GAS7: variants seen among roughly 807,000 people sequenced by gnomAD.
GAS7 encodes growth arrest specific 7.
In GAS7, 28 loss-of-function variants were observed where a neutral mutation model predicts 71.1. The observed-to-expected ratio is 0.39, with a 90% confidence interval of 0.29 to 0.54. The LOEUF (loss-of-function observed/expected upper bound fraction) is 0.54, where lower values mean the gene tolerates loss of function less well. Ranked by LOEUF, GAS7 falls within the 20% of genes least tolerant of loss-of-function variation. The pLI is 0.62. For missense variants in GAS7, 436 were observed against 627.8 expected (o/e 0.69, Z 3.27); for synonymous variants, 258 against 245.8 (o/e 1.05, Z -0.46).
intron 1 of GAS7, among the ~76,000 whole-genome samples, chr17:10,020,947 C>A (rs1321759432): frequency 2.0e-5 from 3 of 151,964 alleles, no homozygotes; most frequent in African/African-American, 4.8e-5. Flanking sequence ...AACAAACAAA[C>A]AAAAAACAGC....
intron 1 of GAS7, among the ~76,000 whole-genome samples, chr17:10,138,662 G>A (rs2074058452): frequency 6.6e-6 from 1 of 152,010 alleles, no homozygotes; most frequent in African/African-American, 2.4e-5. Flanking sequence ...AGCTACTCAG[G>A]AGGCTGAGGC....
At chr17:10,005,318 C>T (rs913130923) in intron 2 of GAS7, among the ~76,000 whole-genome samples, 10 of 150,352 alleles carry the variant, frequency 6.7e-5, no homozygotes, top group South Asian at 2.1e-4. Flanking sequence ...TATACACACA[C>T]ATATATATAT....
chr17:10,127,720 G>A (rs943869188), intron 1 of GAS7, among the ~76,000 whole-genome samples: 1 of 152,168 alleles, frequency 6.6e-6, no homozygotes, highest in African/African-American at 2.4e-5. Flanking sequence ...GGTGTGAACC[G>A]ACCCCAGTCT....
intron 2 of GAS7, among the ~76,000 whole-genome samples, chr17:9,994,381 T>G (rs1207794261): frequency 2.1e-5 from 3 of 143,266 alleles, no homozygotes; most frequent in Non-Finnish European, 4.6e-5. Flanking sequence ...ACGCCGCATA[T>G]CTACAACTAC....
At chr17:10,154,310 G>A (rs563449269) in intron 1 of GAS7, among the ~76,000 whole-genome samples, 1 of 152,218 alleles carries the variant, frequency 6.6e-6, no homozygotes, top group Admixed American at 6.6e-5. Context: ...ACCAGCCTGG[G>A]CAACATAGAG....
chr17:10,048,922 C>CG (rs1190468526), intron 1 of GAS7, among the ~76,000 whole-genome samples: 13 of 152,108 alleles, frequency 8.5e-5, no homozygotes, highest in East Asian at 1.9e-4. Context: ...CAGCTCATTG[C>CG]GGGGGGGAAG....
intron 2 of GAS7, among the ~76,000 whole-genome samples, chr17:10,005,313 A>C (rs957423140): frequency 2.0e-4 from 30 of 148,514 alleles, no homozygotes; most frequent in African/African-American, 7.5e-4. Flanking sequence ...ACATATATAC[A>C]CACACATATA....
intron 5 of GAS7, among the ~76,000 whole-genome samples, chr17:9,958,104 C>T (rs1397619091): frequency 6.6e-6 from 1 of 152,110 alleles, no homozygotes; most frequent in Non-Finnish European, 1.5e-5. Flanking sequence ...CACCCACTAC[C>T]CCCCATTTCC....
chr17:10,141,413 A>G (rs1261345016), intron 1 of GAS7, among the ~76,000 whole-genome samples: 2 of 151,388 alleles, frequency 1.3e-5, no homozygotes, highest in East Asian at 1.9e-4. Flanking sequence ...GCACCGGTGC[A>G]CTCCAGCCTG....
rs748193623 is a variant in GAS7 at position 10,096,215 on chromosome 17, C to CAT, written c.184-76320_184-76319dup. On this transcript the variant is annotated intron_variant, in intron 1 of 13. Coordinates refer to ENST00000432992, the MANE Select transcript of GAS7 (RefSeq NM_201433.2). The stretch of plus-strand genomic sequence containing the variant: ...TGTTTGCCCCAACCAGTCTCTGCCA[C>CAT]ATATATATATATTTTCTATGTTATA... Among the ~76,000 whole-genome samples the CAT allele has an allele frequency of 3.2e-4, 48 of 152,160 alleles. No individual in the cohort carries two copies. The East Asian group carries it at 4.0e-3, about 13-fold the overall frequency.
At chr17:10,080,033 C>A (rs1045220210) in intron 1 of GAS7, among the ~76,000 whole-genome samples, 2 of 152,110 alleles carry the variant, frequency 1.3e-5, no homozygotes, top group Non-Finnish European at 2.9e-5. Flanking sequence ...ACCTACTGGG[C>A]TGCACTCCTA....
intron 1 of GAS7, among the ~76,000 whole-genome samples, chr17:10,123,581 A>C (rs2073921569): frequency 6.6e-6 from 1 of 152,110 alleles, no homozygotes; most frequent in Admixed American, 6.5e-5. Context: ...TCTGATCATC[A>C]CTCAAACAAT....
Position 9,919,470 on chromosome 17 carries a change from G to A in GAS7, c.1218+156C>T, listed in dbSNP as rs2067714345. Among the ~76,000 whole-genome samples, 1 of 152,086 alleles carries A rather than the reference G, an allele frequency of 6.6e-6. No homozygotes were observed. Among genetic ancestry groups the A allele is most frequent in the African/African-American group, 2.4e-5 (1 of 41,388 alleles). On this transcript the variant is annotated intron_variant, in intron 12 of 13. Transcript: ENST00000432992. This position sits in a 1 kb window ranked among gnomAD's most constrained non-coding sequence, Gnocchi z 5.0. ...GCAGAGATCTGAATCCACATAAGCT[G>A]GCTCACATTGAGGTTTCGACCCCAA... is the stretch of plus-strand genomic sequence containing the variant.
chr17:10,051,728 G>T (rs955721005), intron 1 of GAS7, among the ~76,000 whole-genome samples: 2 of 152,066 alleles, frequency 1.3e-5, no homozygotes, highest in Non-Finnish European at 2.9e-5. Flanking sequence ...TTCTGAAAAT[G>T]GCCTCATGTG....
chr17:10,171,949 C>G (rs1252534603), intron 1 of GAS7, among the ~76,000 whole-genome samples: 1 of 152,144 alleles, frequency 6.6e-6, no homozygotes, highest in Non-Finnish European at 1.5e-5. Context: ...GGAGCAAGCA[C>G]AAAAATAAAA....
intron 1 of GAS7, among the ~76,000 whole-genome samples, chr17:10,192,361 C>A (rs8081941): frequency 6.6e-6 from 1 of 152,076 alleles, no homozygotes; most frequent in Admixed American, 6.6e-5. Flanking sequence ...ACAGCACAGT[C>A]CCCTGGGCTG....
chr17:10,152,920 G>A (rs2074177265), intron 1 of GAS7, among the ~76,000 whole-genome samples: 1 of 151,860 alleles, frequency 6.6e-6, no homozygotes, highest in Non-Finnish European at 1.5e-5. Context: ...AAACCTGGCT[G>A]GGCACAGTGG....
chr17:9,993,954 C>T (rs1179345429), intron 2 of GAS7, among the ~76,000 whole-genome samples: 1 of 151,644 alleles, frequency 6.6e-6, no homozygotes, highest in African/African-American at 2.4e-5. Flanking sequence ...AATAAAATAC[C>T]TAGGAATCCA....
At chr17:10,067,845 G>A (rs2073298415) in intron 1 of GAS7, among the ~76,000 whole-genome samples, 2 of 152,172 alleles carry the variant, frequency 1.3e-5, no homozygotes, top group Non-Finnish European at 2.9e-5. Context: ...CAGACCGGGA[G>A]AAATAGATTC....
Sources: allele counts gnomAD v4.1 joint callset (sites outside exome capture counted in the v4.1 genomes callset), GRCh38; gene constraint gnomAD v4.1.1; non-coding constraint Gnocchi (gnomAD v3.1); transcripts MANE v1.5; gene names NCBI Gene and HGNC (gene_info 2026-07-23, HGNC 2026-07-21).